EDRF1: variants seen among roughly 807,000 people sequenced by gnomAD.
EDRF1 encodes the protein erythroid differentiation-related factor 1.
In EDRF1, 69 loss-of-function variants were observed where a neutral mutation model predicts 148.7. The ratio of observed to expected loss-of-function variants is 0.46; its 90% CI spans 0.38 to 0.57. The LOEUF is 0.57. Among genes scored for constraint, EDRF1 ranks in the 20% least tolerant of loss-of-function variants. The probability of loss-of-function intolerance (pLI) is 0.00; values close to 1 mark genes in which losing one functional copy is unlikely to be tolerated. For missense variants in EDRF1, 1,118 were observed against 1,478.7 expected, an observed-to-expected ratio of 0.76 and a Z score of 4.00; for synonymous variants, 515 against 532.8, an observed-to-expected ratio of 0.97 and a Z score of 0.46.
chr10:125,729,539 A>G, intron 8 of EDRF1, 60 bp downstream of exon 8: 2 of 1,606,776 alleles, frequency 1.2e-6, no homozygotes, highest in Non-Finnish European at 1.7e-6. Flanking sequence ...CTTTAGAATC[A>G]GTGTTCCATC....
chr10:125,734,807 A>C (rs1211141682), intron 12 of EDRF1, among the ~76,000 whole-genome samples: 1 of 152,152 alleles, frequency 6.6e-6, no homozygotes, highest in Admixed American at 6.6e-5. Context: ...TCTGATTGAC[A>C]ACTTTATTTT....
Position 125,745,907 on chromosome 10 carries a change from G to GA in EDRF1, c.2793dup (p.Glu932ArgfsTer6). ...TGAACTGAAACGTGAATTTTCACCA[G>GA]AAGAAGGCTTGTATTATAATAAGGT... On this transcript the variant is annotated frameshift_variant, in exon 19 of 25. Transcript: ENST00000356792. LOFTEE classifies it high-confidence loss of function. 6.2e-7 allele frequency: 1 copy of GA among 1,614,206 alleles called. No individual in the cohort carries two copies.
At chr10:125,755,139 T>G (rs1237667250) in intron 24 of EDRF1, among the ~76,000 whole-genome samples, 1 of 152,234 alleles carries the variant, frequency 6.6e-6, no homozygotes, top group African/African-American at 2.4e-5. Context: ...GCTGTGGGGC[T>G]TTGTAGAGGC....
At chr10:125,728,799 A>G (rs1409253549) in intron 6 of EDRF1, among the ~76,000 whole-genome samples, 1 of 152,244 alleles carries the variant, frequency 6.6e-6, no homozygotes. Context: ...TAAGATCTAA[A>G]TGTGATTCGC....
At chr10:125,720,637 C>G (rs754887445) in intron 1 of EDRF1, among the ~76,000 whole-genome samples, 1 of 151,914 alleles carries the variant, frequency 6.6e-6, no homozygotes, top group Non-Finnish European at 1.5e-5. Context: ...ATGGCAAAAC[C>G]CTGTCTCTAC....
intron 17 of EDRF1, chr10:125,742,103 G>A: frequency 7.8e-6 from 5 of 641,406 alleles, no homozygotes; most frequent in Non-Finnish European, 1.2e-5. Flanking sequence ...GTTGGTGAAG[G>A]AGGTTAATTA....
At chr10:125,726,745 C>A (rs533346597) in intron 6 of EDRF1, among the ~76,000 whole-genome samples, 2 of 152,046 alleles carry the variant, frequency 1.3e-5, no homozygotes, top group African/African-American at 4.8e-5. Context: ...AAATTTCTTT[C>A]AAAAGTGAGA....
At chr10:125,759,039 T>A (rs1242946577) in intron 24 of EDRF1, among the ~76,000 whole-genome samples, 3 of 152,032 alleles carry the variant, frequency 2.0e-5, no homozygotes, top group African/African-American at 7.3e-5. Context: ...AGGGTCCAGG[T>A]GGGGTTGCTG....
intron 15 of EDRF1, among the ~76,000 whole-genome samples, chr10:125,739,933 A>G (rs2133715455): frequency 6.6e-6 from 1 of 152,340 alleles, no homozygotes; most frequent in African/African-American, 2.4e-5. Flanking sequence ...TTAAATAAAG[A>G]GTATTCCTTG....
At chr10:125,731,774 TGGTA>T in intron 9 of EDRF1, 1 of 355,544 alleles carries the variant, frequency 2.8e-6, no homozygotes, top group South Asian at 2.0e-5. Context: ...GAATCAACAA[TGGTA>T]AGAATAGATA....
intron 6 of EDRF1, 32 bp from the exon 7 acceptor site, chr10:125,728,971 A>G (rs768653803): frequency 9.6e-5 from 144 of 1,500,580 alleles, no homozygotes; most frequent in Non-Finnish European, 1.2e-4. Flanking sequence ...TGTTGACAGC[A>G]GAATCACTCC....
chr10:125,757,950 C>G (rs544444710), intron 24 of EDRF1, among the ~76,000 whole-genome samples: 1 of 152,316 alleles, frequency 6.6e-6, no homozygotes, highest in South Asian at 2.1e-4. Flanking sequence ...TCTCTCTCCT[C>G]CTCTGTAGCC....
At position 125,743,296 on chromosome 10, in the gene EDRF1, C is replaced by T. The variant is rs150202645; in HGVS notation, c.2590+20C>T. 28,530 of 1,588,844 alleles carry T rather than the reference C, an allele frequency of 0.018. 361 individuals are homozygous for T. Among genetic ancestry groups the T allele is most frequent in the Non-Finnish European group, 0.021 (24,041 of 1,157,926 alleles). On this transcript the variant is annotated intron_variant, in intron 18 of 24. Transcript: ENST00000356792. The stretch of plus-strand genomic sequence containing the variant: ...GACTAGGTGAGTATCTCTTTAGATT[C>T]CTCTCTATTGCTTGTTCTCTCAGAA...
rs747411871 is a variant in EDRF1 at position 125,752,900 on chromosome 10, G to A, written c.3379G>A (p.Glu1127Lys). ...AFQLIQKELI[E>K]EFGQPKSGDA... ...CCAGCTTATCCAGAAGGAGCTTATA[G>A]AAGAATTTGGCCAGGTACATGGAGA... The change falls in exon 23 of 25, where the codon GAA (glutamate) becomes AAA (lysine). Residue 1127 changes from glutamate to lysine, a missense_variant. Glu to Lys is a moderately conservative substitution (Grantham distance 56). Transcript: ENST00000356792. The A allele has an allele frequency of 3.3e-5, 54 of 1,613,490 alleles. No homozygotes were observed. The highest frequency in any genetic ancestry group is 4.6e-5 in the Non-Finnish European group (54 of 1,179,694).
At chr10:125,734,025 GA>G (rs1848608048) in intron 11 of EDRF1, 46 bp from the exon 12 acceptor site, 2 of 1,452,910 alleles carry the variant, frequency 1.4e-6, no homozygotes, top group Non-Finnish European at 1.9e-6. Context: ...GAGTCTTGCA[GA>G]CAACGATGAA....
intron 17 of EDRF1, 90 bp downstream of exon 17, chr10:125,741,291 ATTAGAGTT>A: frequency 8.5e-7 from 1 of 1,169,766 alleles, no homozygotes; most frequent in East Asian, 2.5e-5. Context: ...GGGTAGAAAT[ATTAGAGTT>A]TTGATATTTG....
At chr10:125,737,310 C>G (rs551270107) in intron 13 of EDRF1, among the ~76,000 whole-genome samples, 24 of 152,266 alleles carry the variant, frequency 1.6e-4, no homozygotes, top group African/African-American at 5.5e-4. Flanking sequence ...TTCATATAAA[C>G]ATGTCTTTAG....
intron 17 of EDRF1, chr10:125,742,154 T>C (rs1589848092): frequency 9.0e-7 from 1 of 1,109,736 alleles, no homozygotes. Context: ...AAAGTGATCA[T>C]TGTTTTTAAA....
intron 2 of EDRF1, 76 bp downstream of exon 2, chr10:125,721,488 T>C: frequency 7.6e-7 from 1 of 1,318,488 alleles, no homozygotes; most frequent in Non-Finnish European, 1.1e-6. Context: ...TAAATTCAGT[T>C]TGTAATGCCT....
Sources: allele counts gnomAD v4.1 joint callset (sites outside exome capture counted in the v4.1 genomes callset), GRCh38; gene constraint gnomAD v4.1.1; transcripts MANE v1.5; gene names NCBI Gene and HGNC (gene_info 2026-07-23, HGNC 2026-07-21).